The following WWOX variants were observed in gnomAD, a reference collection of about 807,000 sequenced individuals.
WWOX encodes the protein WW domain-containing oxidoreductase.
Under a neutral mutation model 46.2 loss-of-function variants are expected in WWOX, and 69 were observed. The ratio of observed to expected loss-of-function variants is 1.49; its 90% CI spans 1.23 to 1.82. The LOEUF is 1.82. Ranked by LOEUF, WWOX falls within the 40% of genes most tolerant of loss-of-function variation. The pLI is 0.00. For synonymous variants in WWOX, 359 were observed against 202.6 expected, an observed-to-expected ratio of 1.77 and a Z score of -6.56; for missense variants, 919 against 542.6, an observed-to-expected ratio of 1.69 and a Z score of -6.89.
rs1355746844 is a variant in WWOX at position 79,003,163 on chromosome 16, C to G, written c.1057-208445C>G. On this transcript the variant is annotated intron_variant, in intron 8 of 8. Transcript: ENST00000566780. Reference sequence around the variant, plus strand: ...CTCCAATTTACATGTTTGTCATTCTCTAACTTTGAGAGCCCAATAAAACTA... The same window carrying G: ...CTCCAATTTACATGTTTGTCATTCTGTAACTTTGAGAGCCCAATAAAACTA... Among the ~76,000 whole-genome samples the G allele has an allele frequency of 2.6e-5, 4 of 152,192 alleles. No homozygotes were observed. The East Asian group carries it at 5.8e-4, about 22-fold the overall frequency.
intron 5 of WWOX, among the ~76,000 whole-genome samples, chr16:78,368,426 G>A (rs2151918963): frequency 6.6e-6 from 1 of 152,242 alleles, no homozygotes; most frequent in Non-Finnish European, 1.5e-5. Flanking sequence ...AGTCACTGCT[G>A]TCCTTTGGTT....
At chr16:79,117,684 A>C (rs533849617) in intron 8 of WWOX, among the ~76,000 whole-genome samples, 1 of 152,350 alleles carries the variant, frequency 6.6e-6, no homozygotes, top group East Asian at 1.9e-4. Context: ...GGTCTTATCT[A>C]GATCTTCTGG....
chr16:78,412,418 T>A, intron 6 of WWOX, among the ~76,000 whole-genome samples: 1 of 152,308 alleles, frequency 6.6e-6, no homozygotes, highest in African/African-American at 2.4e-5. Context: ...ATATAGTGGC[T>A]AGAGCTAAGG....
At chr16:78,734,605 A>G (rs1472488385) in intron 8 of WWOX, among the ~76,000 whole-genome samples, 3 of 151,962 alleles carry the variant, frequency 2.0e-5, no homozygotes, top group East Asian at 1.9e-4. Flanking sequence ...TCCTGTTTCA[A>G]CTTGATTAGG....
chr16:78,687,807 T>C (rs763908977), intron 8 of WWOX, among the ~76,000 whole-genome samples: 1 of 152,196 alleles, frequency 6.6e-6, no homozygotes, highest in African/African-American at 2.4e-5. Flanking sequence ...TTAGGGCTTA[T>C]TATTTAGTAA....
chr16:78,988,885 C>T (rs2046831436), intron 8 of WWOX, among the ~76,000 whole-genome samples: 3 of 152,130 alleles, frequency 2.0e-5, no homozygotes, highest in South Asian at 4.2e-4. Flanking sequence ...GAAACGAGCT[C>T]TGGTGGGCAG....
chr16:78,791,873 T>C (rs1169546666), intron 8 of WWOX, among the ~76,000 whole-genome samples: 1 of 152,096 alleles, frequency 6.6e-6, no homozygotes. Flanking sequence ...GTGAAACTTT[T>C]GTCTCAAAAA....
intron 4 of WWOX, among the ~76,000 whole-genome samples, chr16:78,148,992 C>G (rs912006637): frequency 2.9e-5 from 4 of 138,288 alleles, no homozygotes; most frequent in African/African-American, 1.1e-4. Flanking sequence ...GGTAGAGGGT[C>G]TTTATGTTTT....
intron 5 of WWOX, chr16:78,237,401 A>G (rs1214484906): frequency 6.6e-6 from 1 of 152,168 alleles, no homozygotes; most frequent in Non-Finnish European, 1.5e-5. Context: ...GTTTTGAAAA[A>G]TTGAGTAGGA....
chr16:78,895,752 A>G (rs996220436), intron 8 of WWOX: 7 of 152,216 alleles, frequency 4.6e-5, no homozygotes, highest in African/African-American at 1.7e-4. Context: ...TAAATGTAAT[A>G]TGGCTCTGGC....
intron 4 of WWOX, 94 bp downstream of exon 4, chr16:78,115,248 A>G: frequency 7.0e-7 from 1 of 1,426,960 alleles, no homozygotes; most frequent in Non-Finnish European, 9.8e-7. Context: ...TGGTTCTCTG[A>G]TTTAAACATG....
At chr16:78,963,149 C>A (rs1434441193) in intron 8 of WWOX, among the ~76,000 whole-genome samples, 5 of 152,128 alleles carry the variant, frequency 3.3e-5, no homozygotes, top group African/African-American at 1.2e-4. Context: ...TCTTGTCTAT[C>A]CATCAGTCTA....
At chr16:78,848,461 A>C (rs934446502) in intron 8 of WWOX, among the ~76,000 whole-genome samples, 1 of 152,198 alleles carries the variant, frequency 6.6e-6, no homozygotes, top group African/African-American at 2.4e-5. Context: ...ATCAGCTCAC[A>C]CCAAGGAAGA....
chr16:79,118,155 G>A (rs1436112853), intron 8 of WWOX, among the ~76,000 whole-genome samples: 1 of 152,204 alleles, frequency 6.6e-6, no homozygotes, highest in Non-Finnish European at 1.5e-5. Context: ...ATGCAACTCT[G>A]ACTTTCTCTT....
At chr16:78,153,509 A>C (rs1366612006) in intron 4 of WWOX, among the ~76,000 whole-genome samples, 1 of 152,016 alleles carries the variant, frequency 6.6e-6, no homozygotes, top group East Asian at 1.9e-4. Flanking sequence ...CTTTATGCAT[A>C]ATGGCAGATC....
At chr16:78,360,585 CAAA>C (rs56382445) in intron 5 of WWOX, among the ~76,000 whole-genome samples, 1 of 86,538 alleles carries the variant, frequency 1.2e-5, no homozygotes, top group Non-Finnish European at 2.2e-5. Context: ...GACTCTGTCT[CAAA>C]AAAAAAAAAA....
At chr16:78,746,984 C>G (rs2049362603) in intron 8 of WWOX, among the ~76,000 whole-genome samples, 2 of 152,120 alleles carry the variant, frequency 1.3e-5, no homozygotes, top group African/African-American at 4.8e-5. Flanking sequence ...TTTCCAGGGT[C>G]TACATGTCCT....
intron 8 of WWOX, among the ~76,000 whole-genome samples, chr16:78,832,697 T>C (rs1050190072): frequency 1.3e-5 from 2 of 152,082 alleles, no homozygotes; most frequent in African/African-American, 2.4e-5. Context: ...TCAGGAGGGA[T>C]TGTGATTAAA....
At chr16:78,214,784 A>T (rs1235760156) in intron 5 of WWOX, among the ~76,000 whole-genome samples, 3 of 151,768 alleles carry the variant, frequency 2.0e-5, no homozygotes, top group Admixed American at 6.6e-5. Context: ...GAGCTACTTT[A>T]TCATTGTGAA....
Sources: gnomAD v4.1 joint callset for allele counts (sites outside exome capture counted in the v4.1 genomes callset) on GRCh38, gnomAD v4.1.1 for gene constraint, MANE v1.5 for transcripts, NCBI Gene and HGNC (gene_info 2026-07-23, HGNC 2026-07-21) for gene names.